The following TRPC4 variants were observed in gnomAD, a reference collection of about 807,000 sequenced individuals.
TRPC4 encodes transient receptor potential cation channel subfamily C member 4.
TRPC4 carries 49 observed loss-of-function variants against 99.4 expected under a neutral mutation model. That is an observed-to-expected ratio of 0.49 (90% CI 0.39 to 0.63). TRPC4 has a LOEUF of 0.63. Among genes scored for constraint, TRPC4 ranks in the 20% least tolerant of loss-of-function variants. TRPC4 has a pLI of 0.00. For missense variants in TRPC4, 898 were observed against 1,152.9 expected (o/e 0.78, Z 3.20); for synonymous variants, 454 against 425.9 (o/e 1.07, Z -0.81).
intron 1 of TRPC4, among the ~76,000 whole-genome samples, chr13:37,865,037 T>G (rs9594237): frequency 2.0e-5 from 3 of 151,740 alleles, no homozygotes; most frequent in Non-Finnish European, 4.4e-5. Context: ...GTACATATAT[T>G]CAAAGAAAGT....
chr13:37,799,402 T>G (rs1957340860), intron 1 of TRPC4, among the ~76,000 whole-genome samples: 1 of 152,196 alleles, frequency 6.6e-6, no homozygotes, highest in African/African-American at 2.4e-5. Context: ...CCTCTTCTTT[T>G]GTCAAATTCT....
intron 3 of TRPC4, among the ~76,000 whole-genome samples, chr13:37,707,635 T>C (rs1954328759): frequency 6.6e-6 from 1 of 152,096 alleles, no homozygotes; most frequent in African/African-American, 2.4e-5. Flanking sequence ...AACTCCTTCC[T>C]ACCACCACCA....
intron 1 of TRPC4, among the ~76,000 whole-genome samples, chr13:37,868,698 C>A (rs1959944065): frequency 6.6e-6 from 1 of 151,786 alleles, no homozygotes; most frequent in African/African-American, 2.4e-5. Flanking sequence ...TGGCTTGGTG[C>A]TTACTCCTTA....
chr13:37,843,540 A>G (rs906552172), intron 1 of TRPC4, among the ~76,000 whole-genome samples: 3 of 152,198 alleles, frequency 2.0e-5, no homozygotes, highest in Non-Finnish European at 4.4e-5. Flanking sequence ...TACATTTAGT[A>G]TGTGATTCTT....
chr13:37,771,131 T>C (rs58759369), intron 2 of TRPC4, among the ~76,000 whole-genome samples: 3,083 of 151,816 alleles, frequency 0.02, 87 homozygotes, highest in African/African-American at 0.071. Flanking sequence ...GCATAATTAC[T>C]TATATTTACC....
At chr13:37,704,750 C>A (rs1336997743) in intron 3 of TRPC4, among the ~76,000 whole-genome samples, 2 of 152,144 alleles carry the variant, frequency 1.3e-5, no homozygotes, top group Non-Finnish European at 2.9e-5. Context: ...ATTATCAAGT[C>A]AGCCTCTTTA....
Position 37,692,033 on chromosome 13 carries a change from G to T in TRPC4, c.1200C>A (p.Thr400=). 6.2e-7 allele frequency: 1 copy of T among 1,613,998 alleles called. No homozygotes were observed. Among genetic ancestry groups the T allele is most frequent in the Non-Finnish European group, 8.5e-7 (1 of 1,179,926 alleles). ...SDLNRQGPPP[T]IVEWMILPWV... is the part of the protein sequence containing the mutation. The stretch of plus-strand genomic sequence containing the variant: ...ACGGTAATATCATCCACTCGACGAT[G>T]GTTGGTGGTGGACCTTGCCTGTTCA... Residue 400 remains threonine (T), a synonymous_variant, in exon 4 of 11, where the codon ACC becomes ACA. Transcript: ENST00000379705.
chr13:37,679,437 A>C (rs1297466877), intron 4 of TRPC4, among the ~76,000 whole-genome samples: 2 of 152,152 alleles, frequency 1.3e-5, no homozygotes, highest in African/African-American at 4.8e-5. Flanking sequence ...AGTAACTATA[A>C]ATTTTTTACA....
chr13:37,804,078 T>C (rs1311602063), intron 1 of TRPC4, among the ~76,000 whole-genome samples: 1 of 152,072 alleles, frequency 6.6e-6, no homozygotes, highest in Non-Finnish European at 1.5e-5. Flanking sequence ...ATAAGTCTTT[T>C]GATGGTCCGG....
At chr13:37,676,205 T>G (rs1293634204) in intron 4 of TRPC4, among the ~76,000 whole-genome samples, 1 of 147,438 alleles carries the variant, frequency 6.8e-6, no homozygotes, top group African/African-American at 2.5e-5. Context: ...CACCAAACCG[T>G]GATGCATCAT....
chr13:37,840,662 T>C (rs1240271700), intron 1 of TRPC4, among the ~76,000 whole-genome samples: 1 of 152,008 alleles, frequency 6.6e-6, no homozygotes, highest in Non-Finnish European at 1.5e-5. Flanking sequence ...AAAAGATTAA[T>C]AAATTCCTGT....
chr13:37,656,250 C>T (rs753313745), intron 6 of TRPC4, among the ~76,000 whole-genome samples: 11 of 151,986 alleles, frequency 7.2e-5, no homozygotes, highest in South Asian at 4.1e-4. Flanking sequence ...TGTAATAAAA[C>T]GATGATAGAG....
intron 2 of TRPC4, among the ~76,000 whole-genome samples, chr13:37,760,305 T>A (rs921728835): frequency 7.9e-5 from 12 of 151,980 alleles, no homozygotes; most frequent in African/African-American, 2.7e-4. Context: ...TACAGCTTTT[T>A]AAATTGGTGT....
intron 4 of TRPC4, among the ~76,000 whole-genome samples, chr13:37,679,220 G>A (rs942866753): frequency 1.3e-4 from 20 of 152,012 alleles, no homozygotes; most frequent in African/African-American, 4.8e-4. Flanking sequence ...TGATATCAGG[G>A]CCGTAGTTTG....
chr13:37,810,445 T>C (rs1957645389), intron 1 of TRPC4, among the ~76,000 whole-genome samples: 1 of 152,042 alleles, frequency 6.6e-6, no homozygotes, highest in Non-Finnish European at 1.5e-5. Context: ...CTAAATATTA[T>C]ATTATAACCT....
At chr13:37,752,734 T>C (rs1955969104) in intron 2 of TRPC4, among the ~76,000 whole-genome samples, 1 of 152,062 alleles carries the variant, frequency 6.6e-6, no homozygotes, top group South Asian at 2.1e-4. Context: ...AGATGGCTGG[T>C]ACATTTAGCT....
chr13:37,867,711 C>G (rs10507461), intron 1 of TRPC4, among the ~76,000 whole-genome samples: 2,676 of 152,112 alleles, frequency 0.018, 54 homozygotes, highest in East Asian at 0.1. Flanking sequence ...ATCTAGTTCA[C>G]AAAAATATTG....
chr13:37,793,201 A>G (rs1957165144), intron 1 of TRPC4, among the ~76,000 whole-genome samples: 1 of 152,192 alleles, frequency 6.6e-6, no homozygotes, highest in Non-Finnish European at 1.5e-5. Flanking sequence ...ATATAAATAA[A>G]TATTAGTCTA....
At chr13:37,720,311 A>G (rs1419294577) in intron 3 of TRPC4, among the ~76,000 whole-genome samples, 1 of 152,192 alleles carries the variant, frequency 6.6e-6, no homozygotes, top group African/African-American at 2.4e-5. Context: ...GCAACCACTA[A>G]AATATAAGGT....
Sources: allele counts gnomAD v4.1 joint callset (sites outside exome capture counted in the v4.1 genomes callset), GRCh38; gene constraint gnomAD v4.1.1; transcripts MANE v1.5; gene names NCBI Gene and HGNC (gene_info 2026-07-23, HGNC 2026-07-21).